Variants in FOXP2 observed in about 807,000 individuals in gnomAD.
The protein encoded by FOXP2 is forkhead box protein P2.
Under a neutral mutation model 115.8 loss-of-function variants are expected in FOXP2, and 12 were observed. That is an observed-to-expected ratio of 0.10 (90% CI 0.07 to 0.17). FOXP2 has a LOEUF of 0.17. FOXP2 is among the 10% of genes least tolerant of loss of function. The probability of loss-of-function intolerance (pLI) is 1.00; values close to 1 mark genes in which losing one functional copy is unlikely to be tolerated. For synonymous variants in FOXP2, 328 were observed against 297.7 expected (o/e 1.10, Z -1.05); for missense variants, 629 against 843.5 (o/e 0.75, Z 3.15).
In FOXP2 at chr7:114,575,366, T is replaced by C. The variant is rs1201964732; in HGVS notation, c.258+40660T>C. On this transcript the variant is annotated intron_variant, in intron 3 of 16. Coordinates refer to ENST00000350908, the MANE Select transcript of FOXP2 (RefSeq NM_014491.4). ...ATATACTCTTGCTTGGATGAAAGAG[T>C]CAATTCTGTTGGATGTAAATTTAAG... 2.6e-5 allele frequency among the ~76,000 whole-genome samples: 4 copies of C among 151,786 alleles called. No homozygotes were observed. The Admixed American group carries it at 2.6e-4, about 10-fold the overall frequency.
intron 1 of FOXP2, among the ~76,000 whole-genome samples, chr7:114,174,624 A>G (rs927733547): frequency 6.6e-6 from 1 of 152,082 alleles, no homozygotes; most frequent in African/African-American, 2.4e-5. Context: ...GTATGGGAAT[A>G]TAAGAAACAA....
At chr7:114,115,975 T>C (rs1177384545) in intron 1 of FOXP2, among the ~76,000 whole-genome samples, 2 of 152,202 alleles carry the variant, frequency 1.3e-5, no homozygotes, top group African/African-American at 2.4e-5. Context: ...TCCATGATTG[T>C]AACCCCTCTA....
intron 3 of FOXP2, among the ~76,000 whole-genome samples, chr7:114,563,779 C>T (rs986326452): frequency 4.6e-5 from 7 of 152,182 alleles, no homozygotes; most frequent in Admixed American, 2.6e-4. Context: ...TTACTATTTC[C>T]AAATGAACCA....
At chr7:114,298,446 G>A (rs534396273) in intron 2 of FOXP2, among the ~76,000 whole-genome samples, 3 of 152,256 alleles carry the variant, frequency 2.0e-5, no homozygotes, top group Admixed American at 2.0e-4. Context: ...AACGATAATA[G>A]TAATAACAAT....
chr7:114,087,052 G>T (rs1799435055), upstream of FOXP2, among the ~76,000 whole-genome samples: 1 of 147,718 alleles, frequency 6.8e-6, no homozygotes, highest in Non-Finnish European at 1.5e-5. Flanking sequence ...CTTCCTCCCC[G>T]CACCCCCACC....
intron 2 of FOXP2, among the ~76,000 whole-genome samples, chr7:114,490,282 A>G (rs1423867387): frequency 1.3e-5 from 2 of 152,158 alleles, no homozygotes; most frequent in Non-Finnish European, 2.9e-5. Context: ...GAGGAAATGT[A>G]AATGCGCATT....
chr7:114,277,254 T>C (rs942123813), intron 1 of FOXP2, among the ~76,000 whole-genome samples: 2 of 152,224 alleles, frequency 1.3e-5, no homozygotes, highest in African/African-American at 4.8e-5. Context: ...ATAATGTTTC[T>C]GTAGGTTTTA....
In FOXP2 at chr7:114,414,844, G is replaced by A; in HGVS notation, c.-527G>A. 5.9e-6 allele frequency: 2 copies of A among 336,612 alleles called. No homozygotes were observed. The highest frequency in any genetic ancestry group is 1.2e-5 in the Non-Finnish European group (2 of 171,116). The allele number at this position is 336,612 out of a possible 1,614,324, so 20.9% of individuals were successfully genotyped here. A position where few individuals can be genotyped will look rare whatever the true frequency, so the allele number is the denominator to read the frequency against. ...ACATGAAAGCTAACCGAGGACTTGAGAGACTCAAACTGGTGCTTTTGTCTC... is the reference window on the plus strand; with the variant it reads ...ACATGAAAGCTAACCGAGGACTTGAAAGACTCAAACTGGTGCTTTTGTCTC... On this transcript the variant is annotated 5_prime_UTR_variant, in exon 1 of 17. Coordinates refer to ENST00000350908, the MANE Select transcript of FOXP2 (RefSeq NM_014491.4).
intron 3 of FOXP2, among the ~76,000 whole-genome samples, chr7:114,591,111 A>G (rs774620255): frequency 6.6e-6 from 1 of 152,084 alleles, no homozygotes. Flanking sequence ...TATGTCTACT[A>G]TTTTCCTGAT....
intron 2 of FOXP2, among the ~76,000 whole-genome samples, chr7:114,309,169 C>A (rs543869715): frequency 6.6e-6 from 1 of 152,182 alleles, no homozygotes; most frequent in Non-Finnish European, 1.5e-5. Context: ...AAAGATTAGA[C>A]AAGTGTATCT....
At chr7:114,565,175 C>CAA (rs989770759) in intron 3 of FOXP2, among the ~76,000 whole-genome samples, 4 of 142,282 alleles carry the variant, frequency 2.8e-5, no homozygotes, top group South Asian at 2.2e-4. Context: ...AAAAGAAAAA[C>CAA]AAAAAAAAAA....
intron 1 of FOXP2, among the ~76,000 whole-genome samples, chr7:114,165,852 T>C (rs1255209363): frequency 6.6e-6 from 1 of 152,178 alleles, no homozygotes; most frequent in Non-Finnish European, 1.5e-5. Context: ...ACTGACAGTC[T>C]CCAACTTTAA....
At chr7:114,378,826 C>CTT (rs558635701) in intron 2 of FOXP2, among the ~76,000 whole-genome samples, 6 of 139,180 alleles carry the variant, frequency 4.3e-5, no homozygotes, top group African/African-American at 1.0e-4. Context: ...TTGCTTTTTG[C>CTT]TTTTTTTTTT....
chr7:114,460,589 TG>T (rs1795521029), intron 2 of FOXP2, among the ~76,000 whole-genome samples: 1 of 152,190 alleles, frequency 6.6e-6, no homozygotes, highest in African/African-American at 2.4e-5. Flanking sequence ...TATATAATCT[TG>T]AGAAAGTTAC....
intron 2 of FOXP2, among the ~76,000 whole-genome samples, chr7:114,331,478 T>C (rs1317211065): frequency 6.6e-6 from 1 of 152,274 alleles, no homozygotes; most frequent in East Asian, 1.9e-4. Context: ...GCTTAATGTA[T>C]AAAATTTAAT....
intron 2 of FOXP2, among the ~76,000 whole-genome samples, chr7:114,373,138 G>A (rs1792054953): frequency 6.6e-6 from 1 of 151,820 alleles, no homozygotes; most frequent in Non-Finnish European, 1.5e-5. Flanking sequence ...GACTACAGGC[G>A]CCAGCCACCA....
intron 2 of FOXP2, among the ~76,000 whole-genome samples, chr7:114,317,882 A>G (rs1797310336): frequency 6.6e-6 from 1 of 152,048 alleles, no homozygotes; most frequent in Non-Finnish European, 1.5e-5. Context: ...AAACACACTA[A>G]GTATGCTCCC....
intron 2 of FOXP2, among the ~76,000 whole-genome samples, chr7:114,471,932 C>T (rs1376571430): frequency 4.0e-5 from 6 of 151,306 alleles, no homozygotes; most frequent in Non-Finnish European, 7.4e-5. Flanking sequence ...TGCACTCCAG[C>T]CCGGGCAACT....
intron 2 of FOXP2, among the ~76,000 whole-genome samples, chr7:114,389,988 C>T (rs1007830207): frequency 8.0e-5 from 11 of 138,094 alleles, no homozygotes; most frequent in African/African-American, 2.4e-4. Context: ...CGGACCACTG[C>T]TCTCCAGCCT....
Sources: gnomAD v4.1 joint callset for allele counts (sites outside exome capture counted in the v4.1 genomes callset) on GRCh38, gnomAD v4.1.1 for gene constraint, MANE v1.5 for transcripts, NCBI Gene and HGNC (gene_info 2026-07-23, HGNC 2026-07-21) for gene names.